The following RNF128 variants were observed in gnomAD, a reference collection of about 807,000 sequenced individuals.
RNF128 encodes the protein ring finger protein 128.
A neutral mutation model predicts 26.2 loss-of-function variants in RNF128; 13 were observed. That is an observed-to-expected ratio of 0.50 (90% CI 0.32 to 0.79). RNF128 has a LOEUF of 0.79. RNF128 is among the 30% of genes least tolerant of loss of function. The pLI is 0.03. For missense variants in RNF128, 315 were observed against 349.7 expected (o/e 0.90, Z 0.79); for synonymous variants, 149 against 142.5 (o/e 1.05, Z -0.32).
Position 106,791,102 on chromosome X carries a change from C to T in RNF128, c.1021C>T (p.Pro341Ser), listed in dbSNP as rs890338762. ...VEDGSVSLQV[P>S]VSNEISNSAS... Reference sequence around the variant, plus strand: ...AGATGGATCAGTGTCTTTACAAGTCCCTGTATCCAATGAAATATCTAATAG... The same window carrying T: ...AGATGGATCAGTGTCTTTACAAGTCTCTGTATCCAATGAAATATCTAATAG... The change falls in exon 6 of 7, where the codon CCT becomes TCT. Residue 341 changes from proline to serine, a missense_variant. Transcript: ENST00000255499. The T allele has an allele frequency of 1.7e-6, 2 of 1,207,366 alleles. No homozygotes were observed. The highest frequency in any genetic ancestry group is 1.7e-5 in the African/African-American group (1 of 57,422).
chrX:106,786,367 T>G (rs1930658927), intron 3 of RNF128, among the ~76,000 whole-genome samples: 1 of 111,636 alleles, frequency 9.0e-6, no homozygotes, highest in African/African-American at 3.2e-5. Flanking sequence ...GCTATCCATA[T>G]GCAGTGATTG....
chrX:106,782,446 A>G (rs895288497), intron 2 of RNF128, among the ~76,000 whole-genome samples: 1 of 111,936 alleles, frequency 8.9e-6, no homozygotes, highest in Non-Finnish European at 1.9e-5. Context: ...CCACAGTTTG[A>G]CAGACCCTAG....
chrX:106,762,575 A>G (rs185902716), intron 1 of RNF128, among the ~76,000 whole-genome samples: 1 of 111,064 alleles, frequency 9.0e-6, no homozygotes, highest in African/African-American at 3.3e-5. Context: ...CGGCCTCCCA[A>G]AGTGCTGGGA....
intron 1 of RNF128, among the ~76,000 whole-genome samples, chrX:106,737,058 C>G (rs1237446139): frequency 1.8e-5 from 2 of 111,273 alleles, no homozygotes; most frequent in Non-Finnish European, 3.8e-5. Context: ...AGTTCTGTCT[C>G]ACCTTTTCCA....
At chrX:106,709,618 C>T (rs1929092740) in intron 1 of RNF128, among the ~76,000 whole-genome samples, 1 of 110,854 alleles carries the variant, frequency 9.0e-6, no homozygotes, top group Non-Finnish European at 1.9e-5. Flanking sequence ...CCAATCTGGG[C>T]TCACCGCAAC....
At chrX:106,718,223 A>G (rs923331585) in intron 1 of RNF128, among the ~76,000 whole-genome samples, 4 of 111,952 alleles carry the variant, frequency 3.6e-5, no homozygotes, top group African/African-American at 1.3e-4. Flanking sequence ...GAAAACTAAG[A>G]CATTTAATGA....
At chrX:106,751,414 C>G (rs903304876) in intron 1 of RNF128, among the ~76,000 whole-genome samples, 3 of 110,832 alleles carry the variant, frequency 2.7e-5, no homozygotes, top group African/African-American at 9.9e-5. Context: ...GGAGAATTGT[C>G]CATCCCTCTG....
intron 2 of RNF128, among the ~76,000 whole-genome samples, chrX:106,783,987 G>A (rs1429550747): frequency 9.0e-6 from 1 of 111,143 alleles, no homozygotes; most frequent in Non-Finnish European, 1.9e-5. Context: ...CTCCAACATT[G>A]GGGGTCACAC....
intron 4 of RNF128, among the ~76,000 whole-genome samples, chrX:106,788,748 G>A (rs1376675192): frequency 1.6e-5 from 1 of 63,669 alleles, no homozygotes; most frequent in Non-Finnish European, 2.6e-5. Flanking sequence ...AATATACATA[G>A]TATACTATAT....
Position 106,791,200 on chromosome X carries a change from T to G in RNF128, c.1119T>G (p.Asp373Glu), listed in dbSNP as rs1569445884. Residue 373 changes from aspartate (D) to glutamate (E), a missense_variant, in exon 6 of 7, where the codon GAT (aspartate) becomes GAG (glutamate). Asp to Glu is a conservative substitution (Grantham distance 45). Transcript: ENST00000255499. ...GATATGCTTCAGTACAGGGAACAGA[T>G]GAACCGCCTCTGGAGGAACACGTGC... ...SSGYASVQGT[D>E]EPPLEEHVQS... 8.3e-7 allele frequency: 1 copy of G among 1,209,289 alleles called. No homozygotes were observed. The highest frequency in any genetic ancestry group is 1.1e-6 in the Non-Finnish European group (1 of 894,081).
rs1928964206 is a variant in RNF128, at chrX:106,701,925, A to T, written c.406+7517A>T. ...AATGACACAGTTATTTAAAAAATTG[A>T]CATGATTATGGGATGTATTAGTAAG... is the stretch of plus-strand genomic sequence containing the variant. On this transcript the variant is annotated intron_variant, in intron 1 of 6. Transcript: ENST00000324342. Among the ~76,000 whole-genome samples, 3 of 111,669 alleles carry T rather than the reference A, an allele frequency of 2.7e-5. No homozygotes were observed. The Admixed American group carries it at 2.9e-4, about 11-fold the overall frequency.
At chrX:106,773,212 G>A in intron 2 of RNF128, 52 bp downstream of exon 2, 1 of 1,104,736 alleles carries the variant, frequency 9.1e-7, no homozygotes, top group South Asian at 2.1e-5. Context: ...TGTTCTAATT[G>A]TAGTTTCAGG....
chrX:106,706,568 G>T (rs1929046619), intron 1 of RNF128, among the ~76,000 whole-genome samples: 3 of 111,597 alleles, frequency 2.7e-5, no homozygotes, highest in Non-Finnish European at 5.6e-5. Context: ...TTTGTAGGGG[G>T]ATAGACCTGG....
At chrX:106,728,815 C>T (rs1471251609) in intron 1 of RNF128, among the ~76,000 whole-genome samples, 1 of 111,780 alleles carries the variant, frequency 8.9e-6, no homozygotes, top group Non-Finnish European at 1.9e-5. Flanking sequence ...TGAAACAAAA[C>T]AAAAGTAGAT....
chrX:106,769,795 A>G (rs1260220825), intron 1 of RNF128, among the ~76,000 whole-genome samples: 1 of 110,358 alleles, frequency 9.1e-6, no homozygotes, highest in African/African-American at 3.3e-5. Context: ...TGTCATTATG[A>G]TGTTAGCTGG....
intron 1 of RNF128, among the ~76,000 whole-genome samples, chrX:106,744,323 A>T (rs1411858126): frequency 8.9e-6 from 1 of 111,937 alleles, no homozygotes; most frequent in African/African-American, 3.2e-5. Context: ...AACAGCTATG[A>T]AGATTCAGCC....
chrX:106,778,403 CA>C (rs1206294502), intron 2 of RNF128, among the ~76,000 whole-genome samples: 2 of 112,155 alleles, frequency 1.8e-5, no homozygotes, highest in Admixed American at 9.4e-5. Context: ...AAAGGTAACA[CA>C]ACAGATGCAG....
intron 1 of RNF128, among the ~76,000 whole-genome samples, chrX:106,746,408 G>T (rs1282566170): frequency 1.8e-5 from 2 of 110,550 alleles, no homozygotes; most frequent in African/African-American, 6.5e-5. Context: ...TAAATGTGGG[G>T]AAAAAAAGGT....
chrX:106,742,066 T>C (rs1929710959), intron 1 of RNF128, among the ~76,000 whole-genome samples: 1 of 111,816 alleles, frequency 8.9e-6, no homozygotes, highest in Non-Finnish European at 1.9e-5. Flanking sequence ...GAATTAGAAG[T>C]CTAAGACTGG....
Sources: gnomAD v4.1 joint callset for allele counts (sites outside exome capture counted in the v4.1 genomes callset) on GRCh38, gnomAD v4.1.1 for gene constraint, MANE v1.5 for transcripts, NCBI Gene and HGNC (gene_info 2026-07-23, HGNC 2026-07-21) for gene names.